The following ADGRF5 variants were observed in gnomAD, a reference collection of about 807,000 sequenced individuals.
ADGRF5 encodes the protein G-protein coupled receptor 116.
A neutral mutation model predicts 132.3 loss-of-function variants in ADGRF5; 75 were observed. That is an observed-to-expected ratio of 0.57 (90% CI 0.47 to 0.69). ADGRF5 has a LOEUF of 0.69. Among genes scored for constraint, ADGRF5 ranks in the 30% least tolerant of loss-of-function variants. ADGRF5 has a pLI of 0.00. For missense variants in ADGRF5, 1,516 were observed against 1,630.6 expected, an observed-to-expected ratio of 0.93 and a Z score of 1.21; for synonymous variants, 629 against 597.6, an observed-to-expected ratio of 1.05 and a Z score of -0.77.
chr6:46,927,362 A>C (rs1401033527), intron 1 of ADGRF5, among the ~76,000 whole-genome samples: 1 of 152,100 alleles, frequency 6.6e-6, no homozygotes, highest in Admixed American at 6.6e-5. Context: ...TTAGTATTAA[A>C]GTTGAAAGGC....
chr6:46,933,750 A>T (rs1015878603), intron 1 of ADGRF5, among the ~76,000 whole-genome samples: 1 of 152,166 alleles, frequency 6.6e-6, no homozygotes, highest in Non-Finnish European at 1.5e-5. Flanking sequence ...TCTCAGCACA[A>T]TGAGGGGGTC....
chr6:46,945,649 C>A (rs115255098), intron 1 of ADGRF5, among the ~76,000 whole-genome samples: 432 of 152,294 alleles, frequency 2.8e-3, no homozygotes, highest in Middle Eastern at 6.8e-3. Flanking sequence ...ATGGGGTGAC[C>A]TGTGAAAAGG....
At chr6:46,890,872 A>G (rs879584945) in intron 3 of ADGRF5, among the ~76,000 whole-genome samples, 6 of 152,250 alleles carry the variant, frequency 3.9e-5, no homozygotes, top group Non-Finnish European at 7.3e-5. Flanking sequence ...TTCAAGATTT[A>G]AATATTCCAA....
rs1460050260 is a variant in ADGRF5, at chr6:46,883,602, G to A, written c.569C>T (p.Ser190Phe). ...CTTGTAGGACCTATAGAGGGCGGAGGAAGTGTTCATGAGGTCTTCTTGAAA... is the reference window on the plus strand; with the variant it reads ...CTTGTAGGACCTATAGAGGGCGGAGAAAGTGTTCATGAGGTCTTCTTGAAA... Reference protein sequence around the residue: ...VGFQEDLMNTSSALYRSYKTD... With the variant: ...VGFQEDLMNTFSALYRSYKTD... The change falls in exon 6 of 21, where the codon TCC becomes TTC. Residue 190 changes from serine (S) to phenylalanine (F), a missense_variant. Ser to Phe is a radical substitution (Grantham distance 155). Transcript: ENST00000283296. 16 of 1,609,434 alleles carry A rather than the reference G, an allele frequency of 9.9e-6. No homozygotes were observed. Among genetic ancestry groups the A allele is most frequent in the Non-Finnish European group, 1.3e-5 (15 of 1,178,454 alleles).
chr6:46,882,392 G>T (rs1772573640), intron 6 of ADGRF5, among the ~76,000 whole-genome samples: 1 of 152,154 alleles, frequency 6.6e-6, no homozygotes, highest in African/African-American at 2.4e-5. Context: ...AGAGCCATCA[G>T]ACTCCCAAAT....
chr6:46,873,418 G>A (rs1771304395), intron 10 of ADGRF5, among the ~76,000 whole-genome samples: 3 of 152,016 alleles, frequency 2.0e-5, no homozygotes, highest in Admixed American at 1.3e-4. Flanking sequence ...CGTATCCAGT[G>A]GCCTCCCCTC....
rs1773645354 is a variant in ADGRF5 at position 46,891,609 on chromosome 6, G to A, written c.158-3104C>T. Among the ~76,000 whole-genome samples the A allele has an allele frequency of 2.6e-5, 4 of 152,248 alleles. No individual in the cohort carries two copies. In the South Asian group the frequency reaches 8.3e-4, roughly 32 times the overall value. On this transcript the variant is annotated intron_variant, in intron 3 of 20. Coordinates refer to ENST00000283296, the MANE Select transcript of ADGRF5 (RefSeq NM_001098518.2). ...CATTACTGGCTTTGTTGAATCCCAG[G>A]ACCTGATCCCACAAAATATCAATGC...
rs373380764 is a variant in ADGRF5 at position 46,953,661 on chromosome 6, A to G, written c.-25+1073T>C. ...TATATAGATATATGTGTATATATAT[A>G]TATATATATATATATATATATATAT... is the stretch of plus-strand genomic sequence containing the variant. On this transcript the variant is annotated intron_variant, in intron 1 of 20. Transcript: ENST00000265417. Among the ~76,000 whole-genome samples, 190 of 120,202 alleles carry G rather than the reference A, an allele frequency of 1.6e-3. 6 individuals are homozygous for G. Among genetic ancestry groups the G allele is most frequent in the African/African-American group, 6.8e-3 (180 of 26,470 alleles). The allele number at this position is 120,202 out of a possible 152,430, so 78.9% of individuals were successfully genotyped here.
intron 11 of ADGRF5, among the ~76,000 whole-genome samples, chr6:46,869,811 T>C (rs1451284322): frequency 6.6e-6 from 1 of 152,240 alleles, no homozygotes; most frequent in East Asian, 1.9e-4. Flanking sequence ...TAAACTGGGA[T>C]GTACAGGTAC....
intron 1 of ADGRF5, among the ~76,000 whole-genome samples, chr6:46,944,760 A>C (rs917137911): frequency 2.6e-5 from 4 of 152,228 alleles, no homozygotes; most frequent in Non-Finnish European, 5.9e-5. Flanking sequence ...CAAAATAAAG[A>C]GCAGGGCACA....
At chr6:46,893,058 ATTTTTTTTTT>A (rs35014340) in intron 3 of ADGRF5, among the ~76,000 whole-genome samples, 10 of 86,734 alleles carry the variant, frequency 1.2e-4, no homozygotes, top group South Asian at 5.5e-4. Context: ...GACAACAGGG[ATTTTTTTTTT>A]TTTTTTTTTT....
chr6:46,888,136 A>C (rs867126078), intron 4 of ADGRF5, 199 bp downstream of exon 4: 2 of 513,672 alleles, frequency 3.9e-6, no homozygotes, highest in South Asian at 5.6e-5. Context: ...CACCATTTAA[A>C]ATAAGAAACC....
In ADGRF5 at chr6:46,881,482, A is replaced by G. The variant is rs918790934; in HGVS notation, c.787T>C (p.Tyr263His). 6.2e-7 allele frequency: 1 copy of G among 1,613,384 alleles called. No homozygotes were observed. The highest frequency in any genetic ancestry group is 8.5e-7 in the Non-Finnish European group (1 of 1,179,428). ...ATAGTAACTGCTTGAAAGGAGTTGTAGTCCATTTTGTAGGTCTGATTGAGG... is the reference window on the plus strand; with the variant it reads ...ATAGTAACTGCTTGAAAGGAGTTGTGGTCCATTTTGTAGGTCTGATTGAGG... The part of the protein sequence containing the change: ...QSLNQTYKMD[Y>H]NSFQAVTINE... Residue 263 changes from tyrosine to histidine, a missense_variant, in exon 8 of 21, where the codon TAC becomes CAC. Around this residue, in one of 2 missense-constraint regions of ADGRF5, gnomAD observed 945 missense variants for 929.4 expected, o/e 1.02. Transcript: ENST00000283296.
At chr6:46,882,537 G>T (rs1170673102) in intron 6 of ADGRF5, among the ~76,000 whole-genome samples, 1 of 152,228 alleles carries the variant, frequency 6.6e-6, no homozygotes, top group East Asian at 1.9e-4. Flanking sequence ...GAGCAGCGGT[G>T]ATGGTCGTGG....
chr6:46,880,149 G>T, intron 8 of ADGRF5, 110 bp from the exon 9 acceptor site: 1 of 741,590 alleles, frequency 1.3e-6, no homozygotes, highest in Non-Finnish European at 2.3e-6. Flanking sequence ...CAGCATCTGT[G>T]GTGCTGAACT....
chr6:46,938,935 A>G (rs1777953042), intron 1 of ADGRF5, among the ~76,000 whole-genome samples: 1 of 150,852 alleles, frequency 6.6e-6, no homozygotes, highest in African/African-American at 2.4e-5. Flanking sequence ...CAGTGGCCCA[A>G]TCTTGGCTCA....
chr6:46,885,921 A>G (rs866934986), intron 4 of ADGRF5, among the ~76,000 whole-genome samples: 13 of 152,212 alleles, frequency 8.5e-5, no homozygotes, highest in Non-Finnish European at 1.3e-4. Flanking sequence ...CTCTCAGATA[A>G]TAACTGTTTG....
At chr6:46,922,611 C>A (rs923959260), upstream of ADGRF5, among the ~76,000 whole-genome samples, 1 of 152,180 alleles carries the variant, frequency 6.6e-6, no homozygotes, top group Non-Finnish European at 1.5e-5. Context: ...AGTGACCTCA[C>A]TGATCCTCAT....
intron 1 of ADGRF5, among the ~76,000 whole-genome samples, chr6:46,920,527 G>GGC (rs527945549): frequency 0.025 from 526 of 21,264 alleles, 8 homozygotes; most frequent in Middle Eastern, 0.082. Flanking sequence ...AATAATATTT[G>GGC]GGGGGGGGGA....
Sources: allele counts gnomAD v4.1 joint callset (sites outside exome capture counted in the v4.1 genomes callset), GRCh38; gene constraint gnomAD v4.1.1; regional missense constraint gnomAD v4.1.1; transcripts MANE v1.5; gene names NCBI Gene and HGNC (gene_info 2026-07-23, HGNC 2026-07-21).